The following JUP variants were observed in gnomAD, a reference collection of about 807,000 sequenced individuals.
JUP encodes junction plakoglobin, also known as catenin (cadherin-associated protein), gamma 80kDa.
Under a neutral mutation model 71.1 loss-of-function variants are expected in JUP, and 28 were observed. The ratio of observed to expected loss-of-function variants is 0.39; its 90% CI spans 0.29 to 0.54. JUP has a LOEUF of 0.54. JUP is among the 20% of genes least tolerant of loss of function. The pLI, the probability that JUP is intolerant of heterozygous loss-of-function variation, is 0.62. For synonymous variants in JUP, 401 were observed against 438.9 expected (o/e 0.91, Z 1.08); for missense variants, 869 against 1,030.1 (o/e 0.84, Z 2.14).
In JUP at chr17:41,763,129, T is replaced by C; in HGVS notation, c.1351A>G (p.Ile451Val). Residue 451 changes from isoleucine to valine, a missense_variant, in exon 8 of 14, where the codon ATC becomes GTC. Coordinates refer to ENST00000393931, the MANE Select transcript of JUP (RefSeq NM_002230.4). Reference protein sequence around the residue: ...AILRAGDKDDITEPAVCALRH... With the variant: ...AILRAGDKDDVTEPAVCALRH... ...AGAGCGCAGACGGCAGGCTCCGTGA[T>C]GTCGTCCTTGTCACCAGCACGCAGG... 6.2e-7 allele frequency: 1 copy of C among 1,614,204 alleles called. No homozygotes were observed. The highest frequency in any genetic ancestry group is 8.5e-7 in the Non-Finnish European group (1 of 1,180,032).
intron 1 of JUP, among the ~76,000 whole-genome samples, chr17:41,778,963 G>A (rs1345777922): frequency 7.4e-5 from 11 of 149,100 alleles, no homozygotes; most frequent in African/African-American, 2.2e-4. Context: ...TTGGCTGGGC[G>A]TGGTGGCTCA....
intron 8 of JUP, among the ~76,000 whole-genome samples, chr17:41,761,593 C>G (rs921852131): frequency 1.3e-5 from 2 of 151,958 alleles, no homozygotes; most frequent in South Asian, 2.1e-4. Context: ...GGGTGGATCA[C>G]CAGAAGTCAG....
Position 41,755,843 on chromosome 17 carries a change from C to T in JUP, c.2139G>A (p.Pro713=), listed in dbSNP as rs782165431. 48 of 1,613,186 alleles carry T rather than the reference C, an allele frequency of 3.0e-5. No homozygotes were observed. In the South Asian group the frequency reaches 3.2e-4, roughly 11 times the overall value. ...CATCCATGTCCATGTGCATCTCCAG[C>T]GGGTCAAGGGGCACATCGCTGGAGT... ...PMYSSDVPLD[P]LEMHMDMDGD... The change falls in exon 14 of 14, where the codon CCG becomes CCA. Residue 713 remains proline (P), a synonymous_variant. Coordinates refer to ENST00000393931, the MANE Select transcript of JUP (RefSeq NM_002230.4).
chr17:41,766,398 G>C (rs1398022528), intron 5 of JUP, among the ~76,000 whole-genome samples: 4 of 152,050 alleles, frequency 2.6e-5, no homozygotes, highest in Admixed American at 2.6e-4. Flanking sequence ...GTGGTTTTGA[G>C]GACAATATAG....
rs1915172914 is a variant in JUP, at chr17:41,763,174, C to T, written c.1306G>A (p.Glu436Lys). 3 of 1,614,242 alleles carry T rather than the reference C, an allele frequency of 1.9e-6. No individual in the cohort carries two copies. Among genetic ancestry groups the T allele is most frequent in the Non-Finnish European group, 2.5e-6 (3 of 1,180,048 alleles). The part of the protein sequence containing the change: ...KTLVTQNSGV[E>K]ALIHAILRAG... ...CGCAGGATGGCATGGATGAGAGCCT[C>T]CACACCGCTGTTCTGTGTCACCAGC... Residue 436 changes from glutamate to lysine, a missense_variant, in exon 8 of 14, where the codon GAG becomes AAG. Transcript: ENST00000393931.
chr17:41,771,218 G>C (rs543978337), intron 2 of JUP, among the ~76,000 whole-genome samples: 1 of 152,274 alleles, frequency 6.6e-6, no homozygotes, highest in South Asian at 2.1e-4. Flanking sequence ...TTTTAGTAGA[G>C]ACGGGGTTTC....
intron 5 of JUP, among the ~76,000 whole-genome samples, chr17:41,765,943 G>C (rs988273414): frequency 6.6e-6 from 1 of 152,184 alleles, no homozygotes; most frequent in Non-Finnish European, 1.5e-5. Flanking sequence ...AATAAAGCCT[G>C]AGGTCTCCAC....
At chr17:41,758,113 G>T in intron 10 of JUP, 1 of 520,320 alleles carries the variant, frequency 1.9e-6, no homozygotes, top group Non-Finnish European at 3.4e-6. Context: ...GCTTTTTTAG[G>T]TTCTTTCTGA....
chr17:41,768,533 G>GC, intron 4 of JUP, among the ~76,000 whole-genome samples: 1 of 151,958 alleles, frequency 6.6e-6, no homozygotes, highest in South Asian at 2.1e-4. Context: ...CTGCACTCCA[G>GC]CTTGGGTGAC....
Position 41,764,832 on chromosome 17 carries a change from G to A in JUP, c.1055-16C>T, listed in dbSNP as rs1597807565. ...TGCATCCCACCTGGGGCAGGGATAG[G>A]GGTGCCATCAGCCACGGGGAGCATG... On this transcript the variant is annotated splice_polypyrimidine_tract_variant and intron_variant, in intron 6 of 13. Coordinates refer to ENST00000393931, the MANE Select transcript of JUP (RefSeq NM_002230.4). 1 of 1,613,548 alleles carries A rather than the reference G, an allele frequency of 6.2e-7. No homozygotes were observed. Among genetic ancestry groups the A allele is most frequent in the African/African-American group, 1.3e-5 (1 of 74,930 alleles).
chr17:41,777,706 G>A (rs1227213659), intron 1 of JUP, among the ~76,000 whole-genome samples: 2 of 152,218 alleles, frequency 1.3e-5, no homozygotes, highest in Non-Finnish European at 2.9e-5. Flanking sequence ...GGATGAGCTG[G>A]GGCCTGGGGG....
At chr17:41,762,131 G>C (rs1384164961) in intron 8 of JUP, among the ~76,000 whole-genome samples, 9 of 47,188 alleles carry the variant, frequency 1.9e-4, no homozygotes, top group African/African-American at 5.2e-4. Flanking sequence ...GACAGAGAGA[G>C]AGAGAGAGAG....
At chr17:41,757,353 T>C in intron 12 of JUP, 62 bp downstream of exon 12, 1 of 1,585,880 alleles carries the variant, frequency 6.3e-7, no homozygotes, top group Non-Finnish European at 8.7e-7. Flanking sequence ...CCCAAAAGTG[T>C]TGCCCATGGG....
At chr17:41,769,903 G>A (rs74383264) in intron 2 of JUP, among the ~76,000 whole-genome samples, 1 of 111,454 alleles carries the variant, frequency 9.0e-6, no homozygotes, top group Non-Finnish European at 1.8e-5. Flanking sequence ...TGTCCATCAA[G>A]GGAATTTTTT....
intron 10 of JUP, 52 bp from the exon 11 acceptor site, chr17:41,757,836 G>C: frequency 1.3e-6 from 2 of 1,514,350 alleles, no homozygotes; most frequent in Non-Finnish European, 1.8e-6. Context: ...GGGTGAGGCA[G>C]GCCGGACAAC....
chr17:41,786,497 C>T (rs2047463488), intron 1 of JUP, 91 bp downstream of exon 1: 1 of 152,248 alleles, frequency 6.6e-6, no homozygotes, highest in Admixed American at 6.5e-5. Context: ...TGGCACCGGC[C>T]CTCACCTGCC....
At chr17:41,756,523 G>C (rs1389613647) in intron 12 of JUP, among the ~76,000 whole-genome samples, 1 of 151,592 alleles carries the variant, frequency 6.6e-6, no homozygotes, top group Non-Finnish European at 1.5e-5. Context: ...TTGCTTGAAT[G>C]GGGAGGCAGA....
intron 13 of JUP, 108 bp from the exon 14 acceptor site, chr17:41,756,003 C>T (rs1185019408): frequency 1.5e-6 from 2 of 1,362,646 alleles, no homozygotes; most frequent in Non-Finnish European, 2.0e-6. Context: ...CCCTGGTGGG[C>T]CTGACCCCTC....
In JUP at chr17:41,757,530, T is replaced by G; in HGVS notation, c.1931A>C (p.Tyr644Ser). The change falls in exon 12 of 14, where the codon TAC becomes TCC. Residue 644 changes from tyrosine to serine, a missense_variant. By Grantham distance (144) the Tyr-to-Ser change is moderately radical. Coordinates refer to ENST00000393931, the MANE Select transcript of JUP (RefSeq NM_002230.4). Reference sequence around the variant, plus strand: ...GATGCGGAACAGGACGGCAGCAGCGTAGGTGGCTGAGCAGAGAGGAAAGGA... The same window carrying G: ...GATGCGGAACAGGACGGCAGCAGCGGAGGTGGCTGAGCAGAGAGGAAAGGA... ...LHSRNEGTAT[Y>S]AAAVLFRISE... is the part of the protein sequence containing the mutation. 6.2e-7 allele frequency: 1 copy of G among 1,614,092 alleles called. No homozygotes were observed. Among genetic ancestry groups the G allele is most frequent in the African/African-American group, 1.3e-5 (1 of 75,020 alleles).
Sources: allele counts gnomAD v4.1 joint callset (sites outside exome capture counted in the v4.1 genomes callset), GRCh38; gene constraint gnomAD v4.1.1; transcripts MANE v1.5; gene names NCBI Gene and HGNC (gene_info 2026-07-23, HGNC 2026-07-21).